The following MARCHF1 variants were observed in gnomAD, a reference collection of about 807,000 sequenced individuals.
MARCHF1 encodes E3 ubiquitin-protein ligase MARCHF1.
In MARCHF1, 40 loss-of-function variants were observed where a neutral mutation model predicts 54.2. The ratio of observed to expected loss-of-function variants is 0.74; its 90% CI spans 0.57 to 0.96. The LOEUF (loss-of-function observed/expected upper bound fraction) is 0.96, where lower values mean the gene tolerates loss of function less well. Among genes scored for constraint, MARCHF1 ranks in the 40% least tolerant of loss-of-function variants. MARCHF1 has a pLI of 0.00. For synonymous variants in MARCHF1, 236 were observed against 236.3 expected (o/e 1.00, Z 0.01); for missense variants, 586 against 656.5 (o/e 0.89, Z 1.17).
intron 4 of MARCHF1, among the ~76,000 whole-genome samples, chr4:163,838,402 A>G (rs566847835): frequency 1.9e-4 from 29 of 152,220 alleles, no homozygotes; most frequent in Admixed American, 5.9e-4. Flanking sequence ...TTCAGTATAG[A>G]CACAATTTTT....
rs911367536 is a variant in MARCHF1, at chr4:163,527,160, G to A, written c.*1588C>T. 1 of 151,874 alleles carries A rather than the reference G, an allele frequency of 6.6e-6. No individual in the cohort carries two copies. Among genetic ancestry groups the A allele is most frequent in the African/African-American group, 2.4e-5 (1 of 41,374 alleles). The allele number at this position is 151,874 out of a possible 1,614,324, so 9.4% of individuals were successfully genotyped here. ...TAATGTAGGACATCTTTCTTTGACA[G>A]GCTACTGTATCTATAATCACCGTTA... On this transcript the variant is annotated 3_prime_UTR_variant, in exon 10 of 10. Coordinates refer to ENST00000514618, the MANE Select transcript of MARCHF1 (RefSeq NM_001394959.1).
chr4:164,114,748 C>A (rs1281282451), intron 1 of MARCHF1, among the ~76,000 whole-genome samples: 1 of 148,790 alleles, frequency 6.7e-6, no homozygotes, highest in Non-Finnish European at 1.5e-5. Flanking sequence ...TACACACACA[C>A]AATACAATGT....
At chr4:164,324,799 A>G (rs1337150070) in intron 1 of MARCHF1, among the ~76,000 whole-genome samples, 1 of 151,456 alleles carries the variant, frequency 6.6e-6, no homozygotes, top group Non-Finnish European at 1.5e-5. Flanking sequence ...CAAATGATTG[A>G]GGAAGAGATC....
At chr4:164,045,511 TTAAATAAATAAATAAA>T (rs33998703) in intron 2 of MARCHF1, among the ~76,000 whole-genome samples, 10 of 145,334 alleles carry the variant, frequency 6.9e-5, no homozygotes, top group South Asian at 6.6e-4. Context: ...GACTCCATCT[TTAAATAAATAAATAAA>T]TAAATAAATA....
intron 7 of MARCHF1, among the ~76,000 whole-genome samples, chr4:163,611,510 A>C (rs1343002633): frequency 6.6e-6 from 1 of 152,150 alleles, no homozygotes; most frequent in African/African-American, 2.4e-5. Flanking sequence ...ATGATTAGGT[A>C]TAATATGAAA....
chr4:163,715,395 G>A (rs1269652142), intron 4 of MARCHF1, among the ~76,000 whole-genome samples: 4 of 152,080 alleles, frequency 2.6e-5, no homozygotes, highest in African/African-American at 9.7e-5. Context: ...ACAGGCGCCC[G>A]CCACCAGATG....
At chr4:164,352,129 G>A (rs1458454854) in intron 1 of MARCHF1, among the ~76,000 whole-genome samples, 18 of 128,456 alleles carry the variant, frequency 1.4e-4, no homozygotes, top group African/African-American at 4.0e-4. Flanking sequence ...CCAAATCTAC[G>A]TCTGATTGAT....
At chr4:163,942,454 CAT>C (rs1469239234) in intron 3 of MARCHF1, among the ~76,000 whole-genome samples, 1 of 152,264 alleles carries the variant, frequency 6.6e-6, no homozygotes, top group East Asian at 1.9e-4. Flanking sequence ...CTTTATGCTA[CAT>C]ATGTTAACGA....
chr4:164,309,493 A>G (rs1734790341), intron 1 of MARCHF1, among the ~76,000 whole-genome samples: 1 of 150,950 alleles, frequency 6.6e-6, no homozygotes, highest in Non-Finnish European at 1.5e-5. Context: ...CTAGCACAGC[A>G]TCCTCAGTCA....
chr4:164,035,527 T>C (rs2111004081), intron 2 of MARCHF1, among the ~76,000 whole-genome samples: 1 of 151,752 alleles, frequency 6.6e-6, no homozygotes, highest in Admixed American at 6.6e-5. Context: ...CATTATAAAG[T>C]ATATTGTCTC....
At chr4:164,350,611 C>T (rs566989509) in intron 1 of MARCHF1, among the ~76,000 whole-genome samples, 1 of 152,256 alleles carries the variant, frequency 6.6e-6, no homozygotes, top group African/African-American at 2.4e-5. Flanking sequence ...CACTCTGTGT[C>T]CCATAAATAT....
chr4:164,281,692 C>G (rs1394158862), intron 1 of MARCHF1, among the ~76,000 whole-genome samples: 1 of 152,084 alleles, frequency 6.6e-6, no homozygotes, highest in Non-Finnish European at 1.5e-5. Flanking sequence ...CTTGAAGAAC[C>G]TGAATAACAC....
At chr4:163,844,658 T>C (rs545287893) in intron 4 of MARCHF1, among the ~76,000 whole-genome samples, 1 of 152,340 alleles carries the variant, frequency 6.6e-6, no homozygotes, top group African/African-American at 2.4e-5. Flanking sequence ...TTACTGTGAT[T>C]GAAATATTTC....
At chr4:163,943,748 TAAAAAA>T (rs5863641) in intron 3 of MARCHF1, among the ~76,000 whole-genome samples, 18 of 123,488 alleles carry the variant, frequency 1.5e-4, no homozygotes, top group Admixed American at 5.7e-4. Context: ...AAATAGAAGT[TAAAAAA>T]AAAAAAAAAA....
intron 1 of MARCHF1, among the ~76,000 whole-genome samples, chr4:164,124,854 A>G (rs1310224530): frequency 6.6e-6 from 1 of 152,150 alleles, no homozygotes; most frequent in Non-Finnish European, 1.5e-5. Context: ...CAAAGAATGA[A>G]TAAGACCTAC....
intron 1 of MARCHF1, among the ~76,000 whole-genome samples, chr4:164,231,360 A>G (rs993408914): frequency 6.6e-6 from 1 of 152,054 alleles, no homozygotes; most frequent in African/African-American, 2.4e-5. Context: ...TGGCCAATTT[A>G]TTTTTTTATG....
intron 3 of MARCHF1, among the ~76,000 whole-genome samples, chr4:163,872,071 G>A (rs955718270): frequency 1.3e-5 from 2 of 152,204 alleles, no homozygotes; most frequent in African/African-American, 4.8e-5. Flanking sequence ...AGTAGATGAA[G>A]TTGAATATTT....
At chr4:163,665,441 A>C (rs1322950977) in intron 5 of MARCHF1, among the ~76,000 whole-genome samples, 1 of 152,030 alleles carries the variant, frequency 6.6e-6, no homozygotes, top group East Asian at 1.9e-4. Context: ...TTTCCATCTT[A>C]AAAAAAGATT....
At chr4:164,213,620 A>T (rs1018456901) in intron 1 of MARCHF1, among the ~76,000 whole-genome samples, 3 of 152,152 alleles carry the variant, frequency 2.0e-5, no homozygotes, top group African/African-American at 4.8e-5. Context: ...ATATGCTAAT[A>T]AAATTAGGTT....
Sources: gnomAD v4.1 joint callset for allele counts (sites outside exome capture counted in the v4.1 genomes callset) on GRCh38, gnomAD v4.1.1 for gene constraint, MANE v1.5 for transcripts, NCBI Gene and HGNC (gene_info 2026-07-23, HGNC 2026-07-21) for gene names.